The following NGB variants were observed in gnomAD, a reference collection of about 807,000 sequenced individuals.
NGB encodes the protein neuroglobin.
In NGB, 12 loss-of-function variants were observed where a neutral mutation model predicts 17.3. That is an observed-to-expected ratio of 0.69 (90% CI 0.45 to 1.13). The LOEUF is 1.13. NGB is among the 50% of genes most tolerant of loss of function. NGB has a pLI of 0.00. For missense variants in NGB, 195 were observed against 191.7 expected, an observed-to-expected ratio of 1.02 and a Z score of -0.10; for synonymous variants, 87 against 81.0, an observed-to-expected ratio of 1.07 and a Z score of -0.40.
intron 3 of NGB, among the ~76,000 whole-genome samples, chr14:77,268,067 T>C (rs925161512): frequency 2.0e-5 from 3 of 152,190 alleles, no homozygotes; most frequent in African/African-American, 7.2e-5. Flanking sequence ...CTAGCCTCAG[T>C]TGAGCTCCCA....
chr14:77,270,027 G>A (rs1273732419), intron 1 of NGB, among the ~76,000 whole-genome samples: 1 of 151,884 alleles, frequency 6.6e-6, no homozygotes, highest in Non-Finnish European at 1.5e-5. Flanking sequence ...TCCGGAGGCA[G>A]AAGCAGAGGC....
chr14:77,269,075 G>C, intron 2 of NGB, 140 bp downstream of exon 2: 1 of 597,750 alleles, frequency 1.7e-6, no homozygotes, highest in Non-Finnish European at 3.1e-6. Flanking sequence ...CCAGCCCAGA[G>C]GGAAAGGAGC....
Position 77,266,570 on chromosome 14 carries a change from ACTACGGCCCCG to A in NGB, c.411_421del (p.Gly138AlafsTer105). On this transcript the variant is annotated frameshift_variant, in exon 4 of 4. Coordinates refer to ENST00000298352, the MANE Select transcript of NGB (RefSeq NM_021257.4). LOFTEE classifies it high-confidence loss of function. ...ATCCCAGCCTCGACTCATGGCCTGC[ACTACGGCCCCG>A]TAGAGTTGGCTCCAGGCAGCCCGTG... The A allele has an allele frequency of 6.2e-7, 1 of 1,614,100 alleles. No individual in the cohort carries two copies. The highest frequency in any genetic ancestry group is 8.5e-7 in the Non-Finnish European group (1 of 1,180,012).
Position 77,270,949 on chromosome 14 carries a change from G to C in NGB, c.-12C>G, listed in dbSNP as rs538009726. 23 of 1,522,666 alleles carry C rather than the reference G, an allele frequency of 1.5e-5. No homozygotes were observed. The highest frequency in any genetic ancestry group is 2.8e-5 in the African/African-American group (2 of 70,264). The allele number at this position is 1,522,666 out of a possible 1,614,324, so 94.3% of individuals were successfully genotyped here. The stretch of plus-strand genomic sequence containing the variant: ...TCCGGGCGCTCCATGCTGTCCCGGG[G>C]ACGCGGAGCGCGGGGCTGGGACCCT... On this transcript the variant is annotated 5_prime_UTR_variant, in exon 1 of 4. Transcript: ENST00000298352.
chr14:77,266,170 C>T lies in NGB; in HGVS notation c.*366G>A, dbSNP rs748258794. ...CACCCCCGCCTTGGCCTGCACTCAC[C>T]TGAAGAAGCAGGACAGACAGAAGAG... On this transcript the variant is annotated 3_prime_UTR_variant, in exon 4 of 4. Coordinates refer to ENST00000298352, the MANE Select transcript of NGB (RefSeq NM_021257.4). 5 of 550,382 alleles carry T rather than the reference C, an allele frequency of 9.1e-6. No individual in the cohort carries two copies. Among genetic ancestry groups the T allele is most frequent in the African/African-American group, 5.7e-5 (3 of 52,694 alleles). The allele number at this position is 550,382 out of a possible 1,614,324, so 34.1% of individuals were successfully genotyped here.
chr14:77,268,738 A>T (rs1889708682), intron 2 of NGB, among the ~76,000 whole-genome samples, 153 bp from the exon 3 acceptor site: 1 of 152,196 alleles, frequency 6.6e-6, no homozygotes, highest in South Asian at 2.1e-4. Context: ...TGTGTCTACT[A>T]CATGTAGGGG....
rs1236799119 is a variant in NGB at position 77,271,073 on chromosome 14, G to A, written c.-136C>T. The stretch of plus-strand genomic sequence containing the variant: ...CCCCCCGTGCCTCCGCCCGGCGGGG[G>A]CCGCAGCCGCTCCTTCCCTGGCGCG... On this transcript the variant is annotated 5_prime_UTR_variant, in exon 1 of 4. Coordinates refer to ENST00000298352, the MANE Select transcript of NGB (RefSeq NM_021257.4). The A allele has an allele frequency of 5.1e-6, 3 of 591,350 alleles. No homozygotes were observed. Among genetic ancestry groups the A allele is most frequent in the African/African-American group, 2.0e-5 (1 of 50,226 alleles). The allele number at this position is 591,350 out of a possible 1,614,324, so 36.6% of individuals were successfully genotyped here.
Position 77,270,940 on chromosome 14 carries a change from TG to T in NGB, c.-4del. The T allele has an allele frequency of 1.3e-6, 2 of 1,533,862 alleles. No homozygotes were observed. Among genetic ancestry groups the T allele is most frequent in the Non-Finnish European group, 1.7e-6 (2 of 1,146,278 alleles). On this transcript the variant is annotated 5_prime_UTR_variant, in exon 1 of 4. Transcript: ENST00000298352. ...AGCTCGGGCTCCGGGCGCTCCATGC[TG>T]TCCCGGGGACGCGGAGCGCGGGGCT...
intron 2 of NGB, among the ~76,000 whole-genome samples, chr14:77,268,884 G>A (rs1319041743): frequency 4.6e-5 from 7 of 152,204 alleles, no homozygotes; most frequent in Admixed American, 4.6e-4. Flanking sequence ...GAGGCCCTTT[G>A]AGAATCATGA....
intron 3 of NGB, 146 bp from the exon 4 acceptor site, chr14:77,266,816 G>A: frequency 1.2e-6 from 1 of 826,510 alleles, no homozygotes; most frequent in Non-Finnish European, 1.9e-6. Context: ...CCTGAGCAGG[G>A]TCCTACCCAA....
In NGB at chr14:77,266,146, A is replaced by AC; in HGVS notation, c.*389dup. The AC allele has an allele frequency of 3.9e-6, 2 of 514,168 alleles. No homozygotes were observed. Among genetic ancestry groups the AC allele is most frequent in the South Asian group, 2.8e-5 (2 of 70,208 alleles). 31.9% of individuals were successfully genotyped at this position (514,168 alleles called of 1,614,324 possible). ...AAGGCGCTGGAAGCTCAGCCATCTC[A>AC]CCCCCGCCTTGGCCTGCACTCACCT... On this transcript the variant is annotated 3_prime_UTR_variant, in exon 4 of 4. Transcript: ENST00000298352.
chr14:77,269,477 G>A (rs531200437), intron 1 of NGB, 151 bp from the exon 2 acceptor site: 44 of 588,860 alleles, frequency 7.5e-5, no homozygotes, highest in Admixed American at 4.8e-4. Flanking sequence ...CTGCTCCCCC[G>A]CCAGCTTCGG....
Position 77,266,527 on chromosome 14 carries a change from G to A in NGB, c.*9C>T, listed in dbSNP as rs201654532. The A allele has an allele frequency of 3.7e-6, 6 of 1,609,606 alleles. No individual in the cohort carries two copies. Among genetic ancestry groups the A allele is most frequent in the Non-Finnish European group, 5.1e-6 (6 of 1,177,470 alleles). On this transcript the variant is annotated 3_prime_UTR_variant, in exon 4 of 4. Transcript: ENST00000298352. ...CAGATGGATGGGGGCTGCCGGGCGG[G>A]GTCGCCTCTTACTCGCCATCCCAGC...
Position 77,271,163 on chromosome 14 carries a change from C to G in NGB, c.-226G>C. 1 of 433,964 alleles carries G rather than the reference C, an allele frequency of 2.3e-6. No individual in the cohort carries two copies. Among genetic ancestry groups the G allele is most frequent in the Non-Finnish European group, 4.1e-6 (1 of 245,312 alleles). 26.9% of individuals were successfully genotyped at this position (433,964 alleles called of 1,614,324 possible). A position where few individuals can be genotyped will look rare whatever the true frequency, so the allele number is the denominator to read the frequency against. ...CCCAGCTGTGCTTCCGGGGACCCCGCTTGGCCGCTGCGCCCTGCGCCCCGC... is the reference window on the plus strand; with the variant it reads ...CCCAGCTGTGCTTCCGGGGACCCCGGTTGGCCGCTGCGCCCTGCGCCCCGC... On this transcript the variant is annotated 5_prime_UTR_variant, in exon 1 of 4. Transcript: ENST00000298352.
chr14:77,267,366 C>T (rs1889687646), intron 3 of NGB, among the ~76,000 whole-genome samples: 1 of 152,074 alleles, frequency 6.6e-6, no homozygotes, highest in Non-Finnish European at 1.5e-5. Context: ...CATGGGAAAA[C>T]TCCATCTCTA....
intron 1 of NGB, among the ~76,000 whole-genome samples, chr14:77,269,925 A>T (rs1889744595): frequency 6.8e-6 from 1 of 146,502 alleles, no homozygotes; most frequent in African/African-American, 2.5e-5. Flanking sequence ...AGAAAACAGA[A>T]GCCCGGGGAG....
chr14:77,269,927 C>T (rs1282278277), intron 1 of NGB, among the ~76,000 whole-genome samples: 1 of 148,976 alleles, frequency 6.7e-6, no homozygotes, highest in Non-Finnish European at 1.5e-5. Flanking sequence ...AAAACAGAAG[C>T]CCGGGGAGGC....
rs28909971 is a variant in NGB, at chr14:77,265,780, C to T, written c.*756G>A. ...AACTCGGGTCTCTCTGGGATGAAGT[C>T]ACCCCTCCTTCCTGGCCGGTCCCCA... On this transcript the variant is annotated 3_prime_UTR_variant, in exon 4 of 4. Transcript: ENST00000298352. The surrounding 1 kb of genome is among the most constrained non-coding windows in gnomAD (Gnocchi z 4.7). 985 of 160,596 alleles carry T rather than the reference C, an allele frequency of 6.1e-3. 11 individuals are homozygous for T. Among genetic ancestry groups the T allele is most frequent in the African/African-American group, 0.022 (912 of 41,764 alleles). 9.9% of individuals were successfully genotyped at this position (160,596 alleles called of 1,614,324 possible). A position where few individuals can be genotyped will look rare whatever the true frequency, so the allele number is the denominator to read the frequency against.
At position 77,270,946 on chromosome 14, in the gene NGB, G is replaced by C. The variant is rs575783505; in HGVS notation, c.-9C>G. The C allele has an allele frequency of 5.9e-6, 9 of 1,525,062 alleles. No individual in the cohort carries two copies. Among genetic ancestry groups the C allele is most frequent in the African/African-American group, 2.8e-5 (2 of 70,232 alleles). 94.5% of individuals were successfully genotyped at this position (1,525,062 alleles called of 1,614,324 possible). On this transcript the variant is annotated 5_prime_UTR_variant, in exon 1 of 4. Coordinates refer to ENST00000298352, the MANE Select transcript of NGB (RefSeq NM_021257.4). Reference sequence around the variant, plus strand: ...GGCTCCGGGCGCTCCATGCTGTCCCGGGGACGCGGAGCGCGGGGCTGGGAC... The same window carrying C: ...GGCTCCGGGCGCTCCATGCTGTCCCCGGGACGCGGAGCGCGGGGCTGGGAC...
Sources: gnomAD v4.1 joint callset for allele counts (sites outside exome capture counted in the v4.1 genomes callset) on GRCh38, gnomAD v4.1.1 for gene constraint, Gnocchi (gnomAD v3.1) non-coding constraint, MANE v1.5 for transcripts, NCBI Gene and HGNC (gene_info 2026-07-23, HGNC 2026-07-21) for gene names.